Variants in PRKN observed in about 807,000 individuals in gnomAD.
PRKN encodes the protein parkin RBR E3 ubiquitin protein ligase, also known as E3 ubiquitin-protein ligase parkin.
PRKN carries 56 observed loss-of-function variants against 59.5 expected under a neutral mutation model. The ratio of observed to expected loss-of-function variants is 0.94; its 90% CI spans 0.76 to 1.18. The LOEUF (loss-of-function observed/expected upper bound fraction) is 1.18, where lower values mean the gene tolerates loss of function less well. Ranked by LOEUF, PRKN falls within the 50% of genes most tolerant of loss-of-function variation. The pLI is 0.00. For synonymous variants in PRKN, 250 were observed against 222.1 expected, an observed-to-expected ratio of 1.13 and a Z score of -1.12; for missense variants, 657 against 596.4, an observed-to-expected ratio of 1.10 and a Z score of -1.06.
intron 1 of PRKN, among the ~76,000 whole-genome samples, chr6:162,610,391 A>G (rs547929807): frequency 6.6e-6 from 1 of 152,242 alleles, no homozygotes; most frequent in Non-Finnish European, 1.5e-5. Flanking sequence ...TTACTCGCTA[A>G]TAAGTTTATA....
intron 4 of PRKN, among the ~76,000 whole-genome samples, chr6:162,102,188 C>G (rs1481005030): frequency 3.9e-5 from 6 of 152,092 alleles, no homozygotes; most frequent in Admixed American, 2.6e-4. Context: ...CTCTCCGTCC[C>G]CCCACCCATC....
intron 6 of PRKN, among the ~76,000 whole-genome samples, chr6:161,802,530 C>T (rs1221392754): frequency 6.6e-6 from 1 of 152,060 alleles, no homozygotes; most frequent in Non-Finnish European, 1.5e-5. Flanking sequence ...TGGCTCCCAG[C>T]CTTTCTCCGG....
At position 161,413,699 on chromosome 6, in the gene PRKN, GGAGTCCAGCTGAGAA is replaced by G. The variant is rs1279955020; in HGVS notation, c.1084-26837_1084-26823del. On this transcript the variant is annotated intron_variant, in intron 9 of 11. Transcript: ENST00000366898. This position sits in a 1 kb window ranked among gnomAD's most constrained non-coding sequence, Gnocchi z 4.4. ...CGCCTTCTGTTCACAGCTTCCCACA[GGAGTCCAGCTGAGAA>G]GGAAGCCACATGGCCATTCCTGAGA... 6.6e-6 allele frequency among the ~76,000 whole-genome samples: 1 copy of G among 152,188 alleles called. No homozygotes were observed. The highest frequency in any genetic ancestry group is 2.4e-5 in the African/African-American group (1 of 41,446).
At chr6:162,279,321 G>A (rs1459136214) in intron 2 of PRKN, among the ~76,000 whole-genome samples, 1 of 150,836 alleles carries the variant, frequency 6.6e-6, no homozygotes, top group Non-Finnish European at 1.5e-5. Context: ...CAGCCTGGAC[G>A]ACAGAGACTC....
chr6:162,455,922 A>C (rs542049490), intron 1 of PRKN, among the ~76,000 whole-genome samples: 1 of 152,104 alleles, frequency 6.6e-6, no homozygotes, highest in South Asian at 2.1e-4. Context: ...GTTAAAAAAA[A>C]CTTTATAAAA....
chr6:161,826,503 G>A (rs1792250820), intron 6 of PRKN, among the ~76,000 whole-genome samples: 1 of 152,148 alleles, frequency 6.6e-6, no homozygotes, highest in Non-Finnish European at 1.5e-5. Flanking sequence ...ATGCAAAAGT[G>A]AAGGTTTCTA....
chr6:162,169,913 C>T (rs1783187543), intron 4 of PRKN, among the ~76,000 whole-genome samples: 1 of 152,124 alleles, frequency 6.6e-6, no homozygotes, highest in Non-Finnish European at 1.5e-5. Flanking sequence ...GTGGGGATGA[C>T]ATTCTGATAC....
chr6:162,582,467 G>T (rs1000274963), intron 1 of PRKN, among the ~76,000 whole-genome samples: 2 of 152,120 alleles, frequency 1.3e-5, no homozygotes, highest in Non-Finnish European at 2.9e-5. Context: ...TTGTGTTCAC[G>T]GAGTTATCCT....
At chr6:161,884,738 T>G (rs1171995661) in intron 6 of PRKN, among the ~76,000 whole-genome samples, 4 of 152,216 alleles carry the variant, frequency 2.6e-5, no homozygotes, top group Non-Finnish European at 5.9e-5. Context: ...CTTCTGAATC[T>G]GTAGTAGTCA....
At chr6:162,023,280 C>A (rs1783282420) in intron 5 of PRKN, among the ~76,000 whole-genome samples, 1 of 152,112 alleles carries the variant, frequency 6.6e-6, no homozygotes, top group Admixed American at 6.6e-5. Context: ...TCAATTAGAG[C>A]GTCTACCTTG....
intron 1 of PRKN, among the ~76,000 whole-genome samples, chr6:162,719,194 T>G (rs1778840906): frequency 6.6e-6 from 1 of 152,330 alleles, no homozygotes; most frequent in South Asian, 2.1e-4. Context: ...TTCAGACATA[T>G]TCATGTAAAA....
chr6:162,388,993 T>C (rs2128143616), intron 2 of PRKN, among the ~76,000 whole-genome samples: 1 of 137,820 alleles, frequency 7.3e-6, no homozygotes, highest in African/African-American at 2.8e-5. Context: ...TTTAAAATCC[T>C]TTCAGTTCCT....
intron 2 of PRKN, among the ~76,000 whole-genome samples, chr6:162,304,727 A>C (rs1027601402): frequency 6.6e-6 from 1 of 150,940 alleles, no homozygotes; most frequent in Admixed American, 6.6e-5. Context: ...AACAAAAATT[A>C]CTAAATAGCT....
chr6:161,532,164 C>CTATA (rs770823196), intron 9 of PRKN, among the ~76,000 whole-genome samples: 73 of 67,954 alleles, frequency 1.1e-3, no homozygotes, highest in Non-Finnish European at 1.2e-3. Flanking sequence ...CTCTCTCTCT[C>CTATA]TCTATATATA....
intron 2 of PRKN, among the ~76,000 whole-genome samples, chr6:162,282,322 G>A (rs1427662532): frequency 6.7e-6 from 1 of 150,354 alleles, no homozygotes; most frequent in African/African-American, 2.5e-5. Context: ...TACAAGAAGA[G>A]TATATTAAAA....
At chr6:162,073,215 G>A (rs1019674132) in intron 4 of PRKN, among the ~76,000 whole-genome samples, 2 of 152,140 alleles carry the variant, frequency 1.3e-5, no homozygotes, top group Non-Finnish European at 2.9e-5. Flanking sequence ...TTGTACTCAC[G>A]CTTACTCACT....
chr6:161,387,340 C>T (rs1258100687), intron 9 of PRKN, among the ~76,000 whole-genome samples: 1 of 152,198 alleles, frequency 6.6e-6, no homozygotes, highest in Non-Finnish European at 1.5e-5. Flanking sequence ...CCCCTTCGCT[C>T]AGCTCTCATT....
At chr6:161,640,745 C>G (rs940062270) in intron 7 of PRKN, among the ~76,000 whole-genome samples, 25 of 152,096 alleles carry the variant, frequency 1.6e-4, no homozygotes, top group African/African-American at 6.0e-4. Flanking sequence ...ACAGCAACAG[C>G]CACATCCTCC....
chr6:161,532,146 C>A (rs1562508685), intron 9 of PRKN, among the ~76,000 whole-genome samples: 1 of 54,492 alleles, frequency 1.8e-5, no homozygotes, highest in East Asian at 8.4e-4. Context: ...CTTGCACTCT[C>A]TCTCTCTCTC....
Sources: gnomAD v4.1 joint callset for allele counts (sites outside exome capture counted in the v4.1 genomes callset) on GRCh38, gnomAD v4.1.1 for gene constraint, Gnocchi (gnomAD v3.1) non-coding constraint, MANE v1.5 for transcripts, NCBI Gene and HGNC (gene_info 2026-07-23, HGNC 2026-07-21) for gene names.